The following RAD52 variants were observed in gnomAD, a reference collection of about 807,000 sequenced individuals.
RAD52 encodes the protein RAD52 DNA repair protein, also known as DNA repair protein RAD52 homolog.
Under a neutral mutation model 55.5 loss-of-function variants are expected in RAD52, and 47 were observed. That is an observed-to-expected ratio of 0.85 (90% CI 0.67 to 1.08). RAD52 has a LOEUF of 1.08. Ranked by LOEUF, RAD52 falls within the 50% of genes least tolerant of loss-of-function variation. RAD52 has a pLI of 0.00. For synonymous variants in RAD52, 184 were observed against 198.9 expected, an observed-to-expected ratio of 0.92 and a Z score of 0.63; for missense variants, 468 against 522.8, an observed-to-expected ratio of 0.90 and a Z score of 1.02.
chr12:956,245 C>T (rs1025816962), intron 1 of RAD52, among the ~76,000 whole-genome samples: 2 of 152,182 alleles, frequency 1.3e-5, no homozygotes, highest in African/African-American at 4.8e-5. Context: ...AGAAGCCAAC[C>T]CATAATTCTG....
At chr12:951,778 C>G (rs1340012452), upstream of RAD52, among the ~76,000 whole-genome samples, 1 of 151,860 alleles carries the variant, frequency 6.6e-6, no homozygotes, top group African/African-American at 2.4e-5. Flanking sequence ...CTTTTTGTTT[C>G]TTATGATTTT....
chr12:938,895 T>C (rs1047739717), intron 1 of RAD52, among the ~76,000 whole-genome samples: 1 of 151,830 alleles, frequency 6.6e-6, no homozygotes, highest in Non-Finnish European at 1.5e-5. Flanking sequence ...CCGAGTAGCT[T>C]AGACTACAGG....
chr12:990,034 T>C (rs1959165658), exon 1 of RAD52: 2 of 152,156 alleles, frequency 1.3e-5, no homozygotes, highest in Non-Finnish European at 2.9e-5. Context: ...TCCAAGTGCA[T>C]GTCGATCCTG....
intron 1 of RAD52, among the ~76,000 whole-genome samples, chr12:955,163 A>G (rs569350858): frequency 4.9e-4 from 74 of 152,356 alleles, no homozygotes; most frequent in African/African-American, 1.7e-3. Flanking sequence ...ATAATTCTTC[A>G]TGACAGAAAT....
rs1416271005 is a variant in RAD52, at chr12:930,231, CA to C, written c.187-88del. 15 of 1,106,532 alleles carry C rather than the reference CA, an allele frequency of 1.4e-5. No homozygotes were observed. The Admixed American group carries it at 3.5e-4, about 26-fold the overall frequency. The allele number at this position is 1,106,532 out of a possible 1,614,324, so 68.5% of individuals were successfully genotyped here. On this transcript the variant is annotated intron_variant, in intron 3 of 11. Coordinates refer to ENST00000358495, the MANE Select transcript of RAD52 (RefSeq NM_134424.4). ...ATCAAAATTGACATAATTTATTCCTCATCTACTTTTTTCGATAAACTGTCCT... is the reference window on the plus strand; with the variant it reads ...ATCAAAATTGACATAATTTATTCCTCTCTACTTTTTTCGATAAACTGTCCT...
Position 987,854 on chromosome 12 carries a change from A to G in RAD52, c.-19+1955T>C, listed in dbSNP as rs543879889. On this transcript the variant is annotated intron_variant, in intron 1 of 11. Transcript: ENST00000430095. ...TGGGATTATAGGCGCAAGCCACTGC[A>G]CCCGGCCCTATTTTCTTTTTTCTTT... is the stretch of plus-strand genomic sequence containing the variant. 4.2e-4 allele frequency among the ~76,000 whole-genome samples: 64 copies of G among 151,902 alleles called. No homozygotes were observed. In the East Asian group the frequency reaches 0.012, roughly 29 times the overall value.
At chr12:947,187 G>A (rs906771012) in intron 1 of RAD52, among the ~76,000 whole-genome samples, 7 of 151,878 alleles carry the variant, frequency 4.6e-5, no homozygotes, top group African/African-American at 1.7e-4. Context: ...TTAGCCGGGT[G>A]TGGTGGTGCA....
intron 1 of RAD52, among the ~76,000 whole-genome samples, chr12:958,693 T>G (rs1236450124): frequency 6.6e-6 from 1 of 152,144 alleles, no homozygotes; most frequent in East Asian, 1.9e-4. Flanking sequence ...CAATGAAGTG[T>G]CTGGCAGCCT....
chr12:969,094 C>T (rs999595514), intron 1 of RAD52, among the ~76,000 whole-genome samples: 1 of 152,004 alleles, frequency 6.6e-6, no homozygotes, highest in Non-Finnish European at 1.5e-5. Context: ...GTAGCATTTA[C>T]TTTGTATTAG....
intron 2 of RAD52, among the ~76,000 whole-genome samples, chr12:931,897 T>C (rs1957343698): frequency 1.3e-5 from 2 of 152,202 alleles, no homozygotes; most frequent in Non-Finnish European, 2.9e-5. Flanking sequence ...CACTACTGCT[T>C]GCTGATTTGG....
At chr12:969,099 T>A (rs1958807365) in intron 1 of RAD52, among the ~76,000 whole-genome samples, 1 of 152,078 alleles carries the variant, frequency 6.6e-6, no homozygotes, top group Non-Finnish European at 1.5e-5. Context: ...ATTTACTTTG[T>A]ATTAGATATT....
In RAD52 at chr12:912,914, CT is replaced by C; in HGVS notation, c.*476del. 1 of 197,950 alleles carries C rather than the reference CT, an allele frequency of 5.1e-6. No homozygotes were observed. The highest frequency in any genetic ancestry group is 1.0e-5 in the Non-Finnish European group (1 of 95,724). The allele number at this position is 197,950 out of a possible 1,614,324, so 12.3% of individuals were successfully genotyped here. ...AAGTAGTGAAAAGCACTGCTCCAAC[CT>C]TTTTCCTGTCGTGATCCACAGTGCT... On this transcript the variant is annotated 3_prime_UTR_variant, in exon 12 of 12. Coordinates refer to ENST00000358495, the MANE Select transcript of RAD52 (RefSeq NM_134424.4).
chr12:942,701 C>T (rs12581771), intron 1 of RAD52, among the ~76,000 whole-genome samples: 22,921 of 150,948 alleles, frequency 0.15, 2,152 homozygotes, highest in Admixed American at 0.21. Context: ...GAGCGGAGAT[C>T]GCCATCACCG....
At chr12:931,842 G>A (rs1957342073) in intron 2 of RAD52, among the ~76,000 whole-genome samples, 2 of 152,148 alleles carry the variant, frequency 1.3e-5, no homozygotes, top group South Asian at 2.1e-4. Flanking sequence ...AGAGATTGAC[G>A]CCTTCTCCAA....
chr12:918,550 C>T (rs897208562), intron 7 of RAD52, among the ~76,000 whole-genome samples: 1 of 152,080 alleles, frequency 6.6e-6, no homozygotes, highest in South Asian at 2.1e-4. Flanking sequence ...GCGCCACCAC[C>T]AGGCCCAGCT....
chr12:917,894 C>T (rs1210744727), intron 7 of RAD52, among the ~76,000 whole-genome samples: 1 of 151,840 alleles, frequency 6.6e-6, no homozygotes, highest in Non-Finnish European at 1.5e-5. Flanking sequence ...GGGCGGAGAT[C>T]GCACCACCGC....
chr12:960,866 A>G (rs572541847), intron 1 of RAD52, among the ~76,000 whole-genome samples: 1 of 152,314 alleles, frequency 6.6e-6, no homozygotes, highest in African/African-American at 2.4e-5. Flanking sequence ...AGAGCAGAGC[A>G]GAGCTAGAAA....
In RAD52 at chr12:925,545, A is replaced by T. The variant is rs113335624; in HGVS notation, c.468-20T>A. 2.5e-6 allele frequency: 4 copies of T among 1,569,898 alleles called. No individual in the cohort carries two copies. Among genetic ancestry groups the T allele is most frequent in the Admixed American group, 1.7e-5 (1 of 59,950 alleles). On this transcript the variant is annotated intron_variant, in intron 6 of 11. Transcript: ENST00000358495. ...AAACTCCTAAGGGCAAGAGAAAAAAAGGTGAAACAGGGTTAAGAATTGTTA... is the reference window on the plus strand; with the variant it reads ...AAACTCCTAAGGGCAAGAGAAAAAATGGTGAAACAGGGTTAAGAATTGTTA...
At position 973,779 on chromosome 12, in the gene RAD52, C is replaced by CTTTTTTTTTTTTTT. The variant is rs1401411600; in HGVS notation, c.-19+16029_-19+16030insAAAAAAAAAAAAAA. Among the ~76,000 whole-genome samples the CTTTTTTTTTTTTTT allele has an allele frequency of 2.8e-3, 389 of 136,826 alleles. 6 individuals carry two copies. The highest frequency in any genetic ancestry group is 3.6e-3 in the South Asian group (16 of 4,408). The allele number at this position is 136,826 out of a possible 152,430, so 89.8% of individuals were successfully genotyped here. A position where few individuals can be genotyped will look rare whatever the true frequency, so the allele number is the denominator to read the frequency against. On this transcript the variant is annotated intron_variant, in intron 1 of 11. Coordinates refer to the RAD52 transcript ENST00000430095. ...CAGGCATGAGCCACCACGCCCAGTC[C>CTTTTTTTTTTTTTT]TTCTTTTTTTTTTTTTTTTTTTTTT...
Sources: gnomAD v4.1 joint callset for allele counts (sites outside exome capture counted in the v4.1 genomes callset) on GRCh38, gnomAD v4.1.1 for gene constraint, MANE v1.5 for transcripts, NCBI Gene and HGNC (gene_info 2026-07-23, HGNC 2026-07-21) for gene names.